Variants in STARD13 observed in about 807,000 individuals in gnomAD.
STARD13 encodes the protein stAR-related lipid transfer protein 13.
STARD13 carries 62 observed loss-of-function variants against 106.4 expected under a neutral mutation model. That is an observed-to-expected ratio of 0.58 (90% CI 0.48 to 0.72). The LOEUF (loss-of-function observed/expected upper bound fraction) is 0.72. Ranked by LOEUF, STARD13 falls within the 30% of genes least tolerant of loss-of-function variation. The pLI is 0.00. For synonymous variants in STARD13, 565 were observed against 553.0 expected, an observed-to-expected ratio of 1.02 and a Z score of -0.31; for missense variants, 1,387 against 1,424.0, an observed-to-expected ratio of 0.97 and a Z score of 0.42.
At chr13:33,664,052 G>A in the STARD13 span, among the ~76,000 whole-genome samples, 2 of 152,178 alleles carry the variant, frequency 1.3e-5, no homozygotes, top group East Asian at 1.9e-4. Context: ...ACTAACAGGA[G>A]TGCTTTGTCT....
chr13:33,145,705 T>C (rs78288845), intron 3 of STARD13, among the ~76,000 whole-genome samples: 10,976 of 152,204 alleles, frequency 0.072, 564 homozygotes, highest in Non-Finnish European at 0.11. Flanking sequence ...TAACTATTGA[T>C]ACATACAACA....
the STARD13 span, among the ~76,000 whole-genome samples, chr13:33,662,340 T>A: frequency 6.6e-6 from 1 of 152,214 alleles, no homozygotes; most frequent in African/African-American, 2.4e-5. Context: ...TTTAGAGTTA[T>A]TACATTTCTC....
the STARD13 span, among the ~76,000 whole-genome samples, chr13:33,665,437 A>C: frequency 3.9e-5 from 6 of 152,234 alleles, no homozygotes; most frequent in African/African-American, 1.4e-4. Context: ...TGTTATGGTC[A>C]AGAATTAATG....
intron 1 of STARD13, among the ~76,000 whole-genome samples, chr13:33,309,303 T>C (rs116921814): frequency 6.6e-6 from 1 of 151,978 alleles, no homozygotes; most frequent in East Asian, 1.9e-4. Flanking sequence ...AATTAGCGAG[T>C]TGAGGACGCA....
chr13:33,402,471 A>G, the STARD13 span, among the ~76,000 whole-genome samples: 2 of 152,240 alleles, frequency 1.3e-5, no homozygotes, highest in Non-Finnish European at 2.9e-5. Context: ...AGGAGATGGA[A>G]ATGGCTAGAA....
At chr13:33,513,677 A>AT in the STARD13 span, among the ~76,000 whole-genome samples, 35 of 152,060 alleles carry the variant, frequency 2.3e-4, no homozygotes, top group Middle Eastern at 3.4e-3. Flanking sequence ...CAAAGTTTAG[A>AT]TTTTTTTTCA....
chr13:33,472,912 A>C, the STARD13 span, among the ~76,000 whole-genome samples: 5 of 151,956 alleles, frequency 3.3e-5, no homozygotes, highest in Middle Eastern at 6.8e-3. Context: ...AGTTAACTGG[A>C]GAGACTAATT....
At chr13:33,172,315 T>G (rs573952823) in intron 1 of STARD13, among the ~76,000 whole-genome samples, 1 of 152,356 alleles carries the variant, frequency 6.6e-6, no homozygotes, top group South Asian at 2.1e-4. Flanking sequence ...CAATTGCATT[T>G]CCCTGTAGGA....
the STARD13 span, among the ~76,000 whole-genome samples, chr13:33,625,562 G>A: frequency 1.4e-5 from 2 of 147,460 alleles, no homozygotes; most frequent in East Asian, 3.9e-4. Flanking sequence ...GAGCGAGACT[G>A]TCTCAAAAAT....
chr13:33,221,946 C>T (rs555104514), intron 1 of STARD13, among the ~76,000 whole-genome samples: 2 of 152,248 alleles, frequency 1.3e-5, no homozygotes, highest in South Asian at 2.1e-4. Flanking sequence ...GTCAAGAGAT[C>T]GAGACCATCC....
At chr13:33,347,448 T>C (rs1469225612), downstream of STARD13, among the ~76,000 whole-genome samples, 1 of 152,150 alleles carries the variant, frequency 6.6e-6, no homozygotes, top group Non-Finnish European at 1.5e-5. Flanking sequence ...GGTTTCACTA[T>C]GTTGGCCAGG....
At chr13:33,364,922 A>G in the STARD13 span, among the ~76,000 whole-genome samples, 1 of 152,182 alleles carries the variant, frequency 6.6e-6, no homozygotes, top group South Asian at 2.1e-4. Context: ...ACTATAGGGT[A>G]TGCATGAGAA....
the STARD13 span, among the ~76,000 whole-genome samples, chr13:33,540,082 T>C: frequency 6.6e-6 from 1 of 152,224 alleles, no homozygotes; most frequent in South Asian, 2.1e-4. Context: ...AAAAGACCTG[T>C]CACCCTTTTA....
intron 7 of STARD13, among the ~76,000 whole-genome samples, chr13:33,120,193 A>T (rs1445276860): frequency 6.6e-6 from 1 of 152,244 alleles, no homozygotes; most frequent in Non-Finnish European, 1.5e-5. Context: ...CAGCAGAGAA[A>T]TGTTGATCAG....
At chr13:33,385,402 G>C in the STARD13 span, among the ~76,000 whole-genome samples, 1 of 127,284 alleles carries the variant, frequency 7.9e-6, no homozygotes, top group Non-Finnish European at 1.6e-5. Context: ...AAATTGATCA[G>C]AAAAATAGGA....
the STARD13 span, chr13:33,661,288 G>A: frequency 1.8e-4 from 28 of 152,326 alleles, 2 homozygotes; most frequent in African/African-American, 5.8e-4. Flanking sequence ...TTTCACTGCG[G>A]TTCTCCTTTG....
chr13:33,595,284 C>T, the STARD13 span, among the ~76,000 whole-genome samples: 1 of 152,108 alleles, frequency 6.6e-6, no homozygotes, highest in African/African-American at 2.4e-5. Context: ...AAGTATGTTA[C>T]AGCCTATTAG....
the STARD13 span, among the ~76,000 whole-genome samples, chr13:33,379,851 A>G: frequency 6.6e-6 from 1 of 152,242 alleles, no homozygotes; most frequent in Non-Finnish European, 1.5e-5. Context: ...GAGCTGAGCA[A>G]GATTTGATTC....
chr13:33,598,485 T>C, the STARD13 span, among the ~76,000 whole-genome samples: 1 of 152,170 alleles, frequency 6.6e-6, no homozygotes, highest in Non-Finnish European at 1.5e-5. Context: ...CAGTTATTTG[T>C]TTATGCATCT....
Sources: gnomAD v4.1 joint callset for allele counts (sites outside exome capture counted in the v4.1 genomes callset) on GRCh38, gnomAD v4.1.1 for gene constraint, MANE v1.5 for transcripts, NCBI Gene and HGNC (gene_info 2026-07-23, HGNC 2026-07-21) for gene names.